FOCAD: variants seen among roughly 807,000 people sequenced by gnomAD.
FOCAD encodes focadhesin, also known as KIAA1797.
A neutral mutation model predicts 225.6 loss-of-function variants in FOCAD; 198 were observed. The observed-to-expected ratio is 0.88, with a 90% CI of 0.78 to 0.99. The LOEUF is 0.99. Among genes scored for constraint, FOCAD ranks in the 50% least tolerant of loss-of-function variants. The pLI is 0.00. For synonymous variants in FOCAD, 897 were observed against 755.0 expected (o/e 1.19, Z -3.08); for missense variants, 2,713 against 2,123.6 (o/e 1.28, Z -5.46).
chr9:20,871,395 G>A (rs1463274840), intron 18 of FOCAD, among the ~76,000 whole-genome samples: 1 of 151,808 alleles, frequency 6.6e-6, no homozygotes, highest in Non-Finnish European at 1.5e-5. Flanking sequence ...TTTTCTGAGT[G>A]TTTTAGCAGC....
In FOCAD at chr9:20,866,795, C is replaced by G. The variant is rs1829301562; in HGVS notation, c.2107-134C>G. On this transcript the variant is annotated intron_variant, in intron 17 of 43. Coordinates refer to ENST00000338382, the MANE Select transcript of FOCAD (RefSeq NM_001375567.1). Reference sequence around the variant, plus strand: ...CAAAGCTTTAATACCATTTTCAAAGCACTGACTGTAGAACTTTGGGATTGG... The same window carrying G: ...CAAAGCTTTAATACCATTTTCAAAGGACTGACTGTAGAACTTTGGGATTGG... 16 of 560,686 alleles carry G rather than the reference C, an allele frequency of 2.9e-5. No individual in the cohort carries two copies. In the South Asian group the frequency reaches 4.2e-4, roughly 15 times the overall value. 34.7% of individuals were successfully genotyped at this position (560,686 alleles called of 1,614,324 possible).
intron 16 of FOCAD, among the ~76,000 whole-genome samples, chr9:20,865,536 G>C (rs1175410136): frequency 1.3e-5 from 2 of 151,988 alleles, no homozygotes; most frequent in African/African-American, 4.8e-5. Context: ...GTACAACCTC[G>C]AGTGAGTTAG....
chr9:20,991,966 T>C (rs1179709415), intron 42 of FOCAD, among the ~76,000 whole-genome samples: 1 of 152,212 alleles, frequency 6.6e-6, no homozygotes, highest in Admixed American at 6.5e-5. Flanking sequence ...TTGGATATTA[T>C]AGCACAAAAC....
chr9:20,946,735 C>A lies in FOCAD; in HGVS notation c.3590C>A (p.Ser1197Ter), dbSNP rs769958945. The A allele has an allele frequency of 6.2e-7, 1 of 1,613,586 alleles. No individual in the cohort carries two copies. The highest frequency in any genetic ancestry group is 8.5e-7 in the Non-Finnish European group (1 of 1,179,724). The change falls in exon 30 of 44, where the codon TCA becomes TAA. Residue 1197 changes from serine (S) to a stop codon, truncating the protein, a stop_gained. Coordinates refer to ENST00000338382, the MANE Select transcript of FOCAD (RefSeq NM_001375567.1). LOFTEE classifies it high-confidence loss of function. ...LAYTLSCVCTSAFSAGIIEAT... is the reference protein window; with the variant it reads ...LAYTLSCVCT The stretch of plus-strand genomic sequence containing the variant: ...TACACACTTAGCTGTGTATGTACAT[C>A]AGCGTTCAGTGCTGGAATTATTGAG...
chr9:20,744,503 T>G (rs1827885000), intron 5 of FOCAD, among the ~76,000 whole-genome samples: 1 of 152,206 alleles, frequency 6.6e-6, no homozygotes, highest in Non-Finnish European at 1.5e-5. Flanking sequence ...CATAGTGCAG[T>G]ACATTTGGCT....
intron 35 of FOCAD, among the ~76,000 whole-genome samples, chr9:20,971,470 G>T (rs1215313845): frequency 6.6e-6 from 1 of 151,350 alleles, no homozygotes; most frequent in Non-Finnish European, 1.5e-5. Flanking sequence ...ACAGAGTTTT[G>T]CTCCTGTTGC....
intron 5 of FOCAD, among the ~76,000 whole-genome samples, chr9:20,746,873 C>A (rs1828079162): frequency 6.6e-6 from 1 of 152,016 alleles, no homozygotes; most frequent in Non-Finnish European, 1.5e-5. Flanking sequence ...GGAACTGTTT[C>A]TCATCCTTTC....
intron 2 of FOCAD, among the ~76,000 whole-genome samples, chr9:20,665,784 A>C (rs1279232866): frequency 6.6e-6 from 1 of 152,166 alleles, no homozygotes; most frequent in African/African-American, 2.4e-5. Context: ...TAAGCCCAGC[A>C]CTTTGGGAGG....
intron 36 of FOCAD, among the ~76,000 whole-genome samples, chr9:20,977,805 T>C (rs546153614): frequency 7.8e-4 from 119 of 152,316 alleles, no homozygotes; most frequent in Admixed American, 6.5e-4. Flanking sequence ...ATTTGAAAAA[T>C]GTGTTCCGCT....
At chr9:20,801,418 G>T (rs1362184237) in intron 11 of FOCAD, among the ~76,000 whole-genome samples, 1 of 152,126 alleles carries the variant, frequency 6.6e-6, no homozygotes, top group Non-Finnish European at 1.5e-5. Flanking sequence ...ATGATCTCAA[G>T]TGATCCACCT....
At chr9:20,896,659 T>C (rs1002185299) in intron 21 of FOCAD, among the ~76,000 whole-genome samples, 4 of 151,882 alleles carry the variant, frequency 2.6e-5, no homozygotes, top group African/African-American at 4.8e-5. Flanking sequence ...CATAGAGTTA[T>C]ATATATTATT....
At chr9:20,691,932 C>G (rs1021554040) in intron 1 of FOCAD, among the ~76,000 whole-genome samples, 4 of 152,038 alleles carry the variant, frequency 2.6e-5, no homozygotes, top group Non-Finnish European at 5.9e-5. Context: ...CACTACCACA[C>G]CAGGCTAATT....
chr9:20,675,509 T>C (rs537597117), intron 2 of FOCAD, among the ~76,000 whole-genome samples: 10 of 152,342 alleles, frequency 6.6e-5, no homozygotes, highest in African/African-American at 2.2e-4. Context: ...CATCACAATA[T>C]TCCCAACTCA....
At chr9:20,710,229 ATTTTTTTT>A (rs749860355) in intron 1 of FOCAD, among the ~76,000 whole-genome samples, 3 of 102,290 alleles carry the variant, frequency 2.9e-5, no homozygotes, top group Middle Eastern at 5.9e-3. Flanking sequence ...AGTAGCTGAG[ATTTTTTTT>A]TTTTTTTTTT....
Position 20,897,928 on chromosome 9 carries a change from G to A in FOCAD, c.2626-9222G>A, listed in dbSNP as rs184597329. Reference sequence around the variant, plus strand: ...AACATTTCCTGCAAGGGAAATGTACGGGTAACAGATTTTCTCAAATTTTGC... The same window carrying A: ...AACATTTCCTGCAAGGGAAATGTACAGGTAACAGATTTTCTCAAATTTTGC... On this transcript the variant is annotated intron_variant, in intron 21 of 43. Transcript: ENST00000338382. Among the ~76,000 whole-genome samples, 54 of 151,768 alleles carry A rather than the reference G, an allele frequency of 3.6e-4. 1 individual carries two copies. Among genetic ancestry groups the A allele is most frequent in the African/African-American group, 1.3e-3 (52 of 41,472 alleles).
chr9:20,906,672 C>A (rs922056166), intron 21 of FOCAD, among the ~76,000 whole-genome samples: 2 of 152,002 alleles, frequency 1.3e-5, no homozygotes, highest in African/African-American at 4.8e-5. Context: ...CCTGCTCTTA[C>A]CACTGTGGTT....
chr9:20,992,661 T>C (rs923310758), intron 42 of FOCAD, among the ~76,000 whole-genome samples: 5 of 152,164 alleles, frequency 3.3e-5, no homozygotes, highest in Admixed American at 6.5e-5. Flanking sequence ...TACCTCCCTC[T>C]TAAAACCTGT....
rs376370384 is a variant in FOCAD, at chr9:20,770,018, A to T, written c.700-14A>T. 1 of 1,605,318 alleles carries T rather than the reference A, an allele frequency of 6.2e-7. No individual in the cohort carries two copies. ...GTGTATTTTTTAATATCATATAATG[A>T]CTTTTTTAAACAGGTAAAAGATTTG... On this transcript the variant is annotated splice_polypyrimidine_tract_variant and intron_variant, in intron 7 of 43. Coordinates refer to ENST00000338382, the MANE Select transcript of FOCAD (RefSeq NM_001375567.1).
intron 35 of FOCAD, among the ~76,000 whole-genome samples, chr9:20,962,284 A>T (rs938315117): frequency 2.0e-5 from 3 of 152,084 alleles, no homozygotes; most frequent in African/African-American, 7.2e-5. Flanking sequence ...ACTAGGTGTG[A>T]TTTCCTCAAT....
Sources: gnomAD v4.1 joint callset for allele counts (sites outside exome capture counted in the v4.1 genomes callset) on GRCh38, gnomAD v4.1.1 for gene constraint, MANE v1.5 for transcripts, NCBI Gene and HGNC (gene_info 2026-07-23, HGNC 2026-07-21) for gene names.